CNTN4: variants seen among roughly 807,000 people sequenced by gnomAD.
CNTN4 encodes the protein contactin 4.
A neutral mutation model predicts 122.5 loss-of-function variants in CNTN4; 77 were observed. The observed-to-expected ratio is 0.63, with a 90% CI of 0.52 to 0.76. The LOEUF (loss-of-function observed/expected upper bound fraction) is 0.76. CNTN4 is among the 30% of genes least tolerant of loss of function. The pLI, the probability that CNTN4 is intolerant of heterozygous loss-of-function variation, is 0.00. For synonymous variants in CNTN4, 512 were observed against 447.0 expected, an observed-to-expected ratio of 1.15 and a Z score of -1.83; for missense variants, 1,256 against 1,259.1, an observed-to-expected ratio of 1.00 and a Z score of 0.04.
intron 2 of CNTN4, among the ~76,000 whole-genome samples, chr3:2,192,441 C>T (rs1318490648): frequency 6.6e-6 from 1 of 152,124 alleles, no homozygotes; most frequent in South Asian, 2.1e-4. Flanking sequence ...GGAATGGGAT[C>T]TAATTAAACT....
chr3:2,628,027 G>A (rs1023083613), intron 4 of CNTN4, among the ~76,000 whole-genome samples: 2 of 152,154 alleles, frequency 1.3e-5, no homozygotes, highest in Non-Finnish European at 2.9e-5. Flanking sequence ...TTGCTTCGTA[G>A]TATAATTTGA....
chr3:2,549,853 A>G (rs1261459878), intron 3 of CNTN4, among the ~76,000 whole-genome samples: 1 of 152,124 alleles, frequency 6.6e-6, no homozygotes, highest in Non-Finnish European at 1.5e-5. Context: ...TTGGTAGGCT[A>G]TTAATTACTG....
intron 3 of CNTN4, among the ~76,000 whole-genome samples, chr3:2,378,663 G>T (rs113950376): frequency 0.017 from 2,517 of 152,050 alleles, 74 homozygotes; most frequent in African/African-American, 0.057. Flanking sequence ...ATTAATTTGT[G>T]TCTCTCATGA....
intron 5 of CNTN4, among the ~76,000 whole-genome samples, chr3:2,737,107 G>T (rs2089168033): frequency 6.6e-6 from 1 of 151,274 alleles, no homozygotes; most frequent in Non-Finnish European, 1.5e-5. Context: ...TCGAGACAGG[G>T]TCTCCCTCTG....
intron 2 of CNTN4, among the ~76,000 whole-genome samples, chr3:2,234,267 A>T (rs2039597093): frequency 6.8e-6 from 1 of 148,066 alleles, no homozygotes; most frequent in Admixed American, 6.9e-5. Flanking sequence ...AATCCCAGCT[A>T]CTTGGGAGGC....
At chr3:2,917,962 T>C (rs151180712) in intron 12 of CNTN4, among the ~76,000 whole-genome samples, 4 of 152,222 alleles carry the variant, frequency 2.6e-5, no homozygotes, top group South Asian at 2.1e-4. Flanking sequence ...ATCTCTTCTT[T>C]TTCCAGCATG....
chr3:2,417,540 G>C (rs2047459802), intron 3 of CNTN4, among the ~76,000 whole-genome samples: 2 of 152,166 alleles, frequency 1.3e-5, no homozygotes, highest in Admixed American at 6.5e-5. Context: ...CTCTAGGGGA[G>C]TGATTGTAAT....
chr3:2,163,831 A>G (rs991115947), intron 2 of CNTN4, among the ~76,000 whole-genome samples: 1 of 152,210 alleles, frequency 6.6e-6, no homozygotes, highest in Non-Finnish European at 1.5e-5. Context: ...CTGTTATTAA[A>G]AAGTCAAAAA....
chr3:2,826,219 C>G (rs576328379), intron 7 of CNTN4, among the ~76,000 whole-genome samples: 12 of 152,216 alleles, frequency 7.9e-5, no homozygotes, highest in Non-Finnish European at 1.6e-4. Flanking sequence ...TGGCGCTCAC[C>G]CCAGGTCAAT....
At chr3:2,881,215 T>A (rs748533177) in intron 8 of CNTN4, among the ~76,000 whole-genome samples, 10 of 152,100 alleles carry the variant, frequency 6.6e-5, no homozygotes, top group Non-Finnish European at 1.3e-4. Context: ...AAATGGCTGA[T>A]GAAAAGGGTC....
At chr3:3,024,401 A>C (rs1307785865) in intron 14 of CNTN4, among the ~76,000 whole-genome samples, 4 of 150,594 alleles carry the variant, frequency 2.7e-5, no homozygotes, top group African/African-American at 4.9e-5. Flanking sequence ...AAAAAAAAAA[A>C]AAAAAAACAA....
At position 2,122,326 on chromosome 3, in the gene CNTN4, G is replaced by A. The variant is rs186557516; in HGVS notation, c.-145+21687G>A. On this transcript the variant is annotated intron_variant, in intron 2 of 24. Coordinates refer to ENST00000418658, the MANE Select transcript of CNTN4 (RefSeq NM_175607.3). Reference sequence around the variant, plus strand: ...GTTTATCATTTCAGAGATCTTTATTGTTATATGGGCACATATAACTGATTT... The same window carrying A: ...GTTTATCATTTCAGAGATCTTTATTATTATATGGGCACATATAACTGATTT... Among the ~76,000 whole-genome samples, 995 of 151,882 alleles carry A rather than the reference G, an allele frequency of 6.6e-3. 15 individuals carry two copies. Among genetic ancestry groups the A allele is most frequent in the African/African-American group, 0.023 (939 of 41,382 alleles).
intron 2 of CNTN4, among the ~76,000 whole-genome samples, chr3:2,265,589 T>C (rs2041010726): frequency 6.6e-6 from 1 of 152,062 alleles, no homozygotes; most frequent in Non-Finnish European, 1.5e-5. Context: ...ATTGTATTTT[T>C]CATTTTTGTA....
intron 3 of CNTN4, among the ~76,000 whole-genome samples, chr3:2,530,747 A>AT (rs1046689492): frequency 2.6e-5 from 4 of 152,122 alleles, no homozygotes; most frequent in African/African-American, 9.7e-5. Context: ...ATGTAGCCAG[A>AT]TTTTTTTACC....
intron 3 of CNTN4, among the ~76,000 whole-genome samples, chr3:2,512,641 G>T (rs779079484): frequency 6.6e-6 from 1 of 152,078 alleles, no homozygotes; most frequent in African/African-American, 2.4e-5. Flanking sequence ...TGGAATAATT[G>T]AGCTGTTGTA....
At chr3:2,706,726 C>T (rs1449811783) in intron 4 of CNTN4, among the ~76,000 whole-genome samples, 1 of 152,096 alleles carries the variant, frequency 6.6e-6, no homozygotes, top group Non-Finnish European at 1.5e-5. Context: ...TTTAACTTTG[C>T]TGCATGTTTA....
intron 4 of CNTN4, among the ~76,000 whole-genome samples, chr3:2,710,419 C>T (rs1021409376): frequency 6.6e-6 from 1 of 152,172 alleles, no homozygotes; most frequent in Non-Finnish European, 1.5e-5. Flanking sequence ...GTGACAGCTG[C>T]ACCCAGAATT....
rs184865992 is a variant in CNTN4 at position 2,641,580 on chromosome 3, C to T, written c.55+70022C>T. On this transcript the variant is annotated intron_variant, in intron 4 of 24. Transcript: ENST00000418658. ...TTCTGTCTTATTGTCAACTGCTTCA[C>T]ATGGTCTGTTCAGTGGATGTGTTTG... Among the ~76,000 whole-genome samples the T allele has an allele frequency of 1.4e-4, 22 of 152,296 alleles. No homozygotes were observed. In the East Asian group the frequency reaches 4.1e-3, roughly 28 times the overall value.
intron 13 of CNTN4, among the ~76,000 whole-genome samples, chr3:2,971,992 T>A (rs1692971892): frequency 6.6e-6 from 1 of 152,164 alleles, no homozygotes; most frequent in South Asian, 2.1e-4. Context: ...TATTCAGAAA[T>A]AAACCTGAAT....
Sources: allele counts gnomAD v4.1 joint callset (sites outside exome capture counted in the v4.1 genomes callset), GRCh38; gene constraint gnomAD v4.1.1; transcripts MANE v1.5; gene names NCBI Gene and HGNC (gene_info 2026-07-23, HGNC 2026-07-21).